Variants in MRPL21 observed in about 807,000 individuals in gnomAD.
The protein encoded by MRPL21 is mitochondrial ribosomal protein L21, also known as large ribosomal subunit protein bL21m.
MRPL21 carries 20 observed loss-of-function variants against 27.3 expected under a neutral mutation model. The observed-to-expected ratio is 0.73, with a 90% CI of 0.52 to 1.06. The LOEUF is 1.06. Among genes scored for constraint, MRPL21 ranks in the 50% least tolerant of loss-of-function variants. The probability of loss-of-function intolerance (pLI) is 0.00; values close to 1 mark genes in which losing one functional copy is unlikely to be tolerated. For synonymous variants in MRPL21, 98 were observed against 101.5 expected, an observed-to-expected ratio of 0.97 and a Z score of 0.21; for missense variants, 249 against 251.4, an observed-to-expected ratio of 0.99 and a Z score of 0.06.
At chr11:68,893,227 T>C (rs1783329113) in intron 5 of MRPL21, 176 bp downstream of exon 5, 1 of 1,420,918 alleles carries the variant, frequency 7.0e-7, no homozygotes, top group Non-Finnish European at 9.3e-7. Context: ...ACCAATAATT[T>C]GGTCTGGATG....
At position 68,896,692 on chromosome 11, in the gene MRPL21, C is replaced by T. The variant is rs778504463; in HGVS notation, c.233-14G>A. Reference sequence around the variant, plus strand: ...TCTTCACGACCTCTGCAGGGGAAGGCGGGTGGGTGGGCAGTCACCCTCACC... The same window carrying T: ...TCTTCACGACCTCTGCAGGGGAAGGTGGGTGGGTGGGCAGTCACCCTCACC... On this transcript the variant is annotated splice_polypyrimidine_tract_variant and intron_variant, in intron 3 of 6. Transcript: ENST00000362034. 28 of 1,553,068 alleles carry T rather than the reference C, an allele frequency of 1.8e-5. No individual in the cohort carries two copies. Among genetic ancestry groups the T allele is most frequent in the South Asian group, 7.8e-5 (7 of 89,718 alleles).
At position 68,892,971 on chromosome 11, in the gene MRPL21, C is replaced by A; in HGVS notation, c.472G>T (p.Ala158Ser). The stretch of plus-strand genomic sequence containing the variant: ...GATTCTGTCTTTTCAATGACTGTGG[C>A]TTCTACTCGAACAAGATCCTTTCTA... ...LLGKDLVRVEATVIEKTESWP... is the reference protein window; with the variant it reads ...LLGKDLVRVESTVIEKTESWP... The change falls in exon 6 of 7, where the codon GCC becomes TCC. Residue 158 changes from alanine (A) to serine (S), a missense_variant. Physicochemically the swap from Ala to Ser is moderately conservative, Grantham distance 99 (BLOSUM62 1). Coordinates refer to ENST00000362034, the MANE Select transcript of MRPL21 (RefSeq NM_181514.2). 3 of 1,605,236 alleles carry A rather than the reference C, an allele frequency of 1.9e-6. No homozygotes were observed. Among genetic ancestry groups the A allele is most frequent in the South Asian group, 1.1e-5 (1 of 89,526 alleles).
chr11:68,891,614 G>C (rs1302792766), intron 6 of MRPL21: 2 of 599,580 alleles, frequency 3.3e-6, no homozygotes, highest in Non-Finnish European at 3.0e-6. Context: ...ACGCCTCATG[G>C]CCAGGAGTGC....
intron 4 of MRPL21, 31 bp downstream of exon 4, chr11:68,896,484 C>A: frequency 6.2e-7 from 1 of 1,611,128 alleles, no homozygotes; most frequent in Non-Finnish European, 8.5e-7. Flanking sequence ...GGCTGAGTCC[C>A]TGAATATCCA....
At chr11:68,893,241 T>C in intron 5 of MRPL21, 162 bp downstream of exon 5, 1 of 1,449,736 alleles carries the variant, frequency 6.9e-7, no homozygotes, top group Non-Finnish European at 9.1e-7. Flanking sequence ...CTGGATGTTC[T>C]CATGGGCCCT....
chr11:68,891,492 C>T, intron 6 of MRPL21, 97 bp from the exon 7 acceptor site: 2 of 1,192,256 alleles, frequency 1.7e-6, no homozygotes, highest in Non-Finnish European at 2.5e-6. Context: ...GCCAGCGCGA[C>T]CCCGGCAACG....
At chr11:68,897,834 G>A (rs1857835773) in intron 3 of MRPL21, 93 bp downstream of exon 3, 2 of 903,756 alleles carry the variant, frequency 2.2e-6, no homozygotes, top group East Asian at 2.4e-5. Context: ...GAAACATGAA[G>A]CCTCGTTCTG....
rs1309618184 is a variant in MRPL21, at chr11:68,894,391, C to T, written c.397-936G>A. On this transcript the variant is annotated intron_variant, in intron 4 of 6. Coordinates refer to ENST00000362034, the MANE Select transcript of MRPL21 (RefSeq NM_181514.2). ...TGCCTCCCAGGTTCAAGTGATTCTC[C>T]TGCCTCAGCCCCCTGAGTAGCTGGG... Among the ~76,000 whole-genome samples the T allele has an allele frequency of 7.2e-5, 11 of 152,316 alleles. No individual in the cohort carries two copies. The East Asian group carries it at 2.1e-3, about 29-fold the overall frequency.
At chr11:68,901,652 C>T (rs1857938472) in intron 1 of MRPL21, among the ~76,000 whole-genome samples, 1 of 152,180 alleles carries the variant, frequency 6.6e-6, no homozygotes, top group Admixed American at 6.5e-5. Context: ...TGGCCTTGAC[C>T]TCCTCTCCGC....
intron 3 of MRPL21, 67 bp downstream of exon 3, chr11:68,897,860 C>G (rs997440997): frequency 8.8e-6 from 11 of 1,246,682 alleles, no homozygotes; most frequent in Non-Finnish European, 1.3e-5. Context: ...TGGTGACAAC[C>G]TCTGTGGCTG....
At chr11:68,898,511 G>A (rs1025240199) in intron 2 of MRPL21, among the ~76,000 whole-genome samples, 1 of 152,324 alleles carries the variant, frequency 6.6e-6, no homozygotes, top group South Asian at 2.1e-4. Context: ...CTCCTCCTAG[G>A]TAGGTGCCTG....
At chr11:68,891,989 A>G in intron 6 of MRPL21, 1 of 924,508 alleles carries the variant, frequency 1.1e-6, no homozygotes, top group South Asian at 2.9e-5. Context: ...CTGCTTGCGG[A>G]TTCACTGCTG....
intron 3 of MRPL21, chr11:68,897,615 C>T (rs1857829235): frequency 4.9e-6 from 2 of 404,802 alleles, no homozygotes; most frequent in East Asian, 8.3e-5. Flanking sequence ...AGTAATTGTG[C>T]TTAACTGTGC....
At chr11:68,891,822 G>T in intron 6 of MRPL21, 1 of 467,210 alleles carries the variant, frequency 2.1e-6, no homozygotes, top group Non-Finnish European at 3.8e-6. Flanking sequence ...GCCCACTGTT[G>T]GTGGTTTAGG....
Position 68,892,997 on chromosome 11 carries a change from G to C in MRPL21, c.450-4C>G. 6.4e-7 allele frequency: 1 copy of C among 1,564,660 alleles called. No individual in the cohort carries two copies. The highest frequency in any genetic ancestry group is 8.6e-7 in the Non-Finnish European group (1 of 1,158,682). ...TTCTACTCGAACAAGATCCTTTCTA[G>C]AAGGAAGAAAAATCAACAATAATGT... On this transcript the variant is annotated splice_polypyrimidine_tract_variant and splice_region_variant and intron_variant, in intron 5 of 6. Transcript: ENST00000362034.
intron 6 of MRPL21, chr11:68,892,127 G>A (rs1353673941): frequency 5.5e-5 from 58 of 1,047,512 alleles, no homozygotes; most frequent in African/African-American, 5.4e-4. Flanking sequence ...GGGTTCACGC[G>A]CGGAGGGTGG....
intron 1 of MRPL21, among the ~76,000 whole-genome samples, chr11:68,901,037 G>A (rs1364888030): frequency 3.9e-5 from 6 of 152,186 alleles, no homozygotes; most frequent in African/African-American, 1.4e-4. Context: ...TCTGGGATGA[G>A]GTGATAACCA....
At chr11:68,899,725 T>C (rs1857887713) in intron 2 of MRPL21, among the ~76,000 whole-genome samples, 1 of 152,158 alleles carries the variant, frequency 6.6e-6, no homozygotes, top group Non-Finnish European at 1.5e-5. Context: ...CTTCTTCCTA[T>C]GCTCAGAATG....
At position 68,903,786 on chromosome 11, in the gene MRPL21, T is replaced by C; in HGVS notation, c.25A>G (p.Thr9Ala). The C allele has an allele frequency of 6.2e-7, 1 of 1,608,306 alleles. No individual in the cohort carries two copies. Among genetic ancestry groups the C allele is most frequent in the Non-Finnish European group, 8.5e-7 (1 of 1,177,412 alleles). MAASSLTV[T>A]LGRLASACSH... is the part of the protein sequence containing the mutation. ...CACGCGGACGCCAGCCGCCCTAAGG[T>C]GACCGTCAGGGAAGATGCTGCCATG... is the stretch of plus-strand genomic sequence containing the variant. Residue 9 changes from threonine (T) to alanine (A), a missense_variant, in exon 1 of 7, where the codon ACC (threonine) becomes GCC (alanine). Transcript: ENST00000362034.
Sources: allele counts gnomAD v4.1 joint callset (sites outside exome capture counted in the v4.1 genomes callset), GRCh38; gene constraint gnomAD v4.1.1; transcripts MANE v1.5; gene names NCBI Gene and HGNC (gene_info 2026-07-23, HGNC 2026-07-21).